Variants in COL3A1 observed in about 807,000 individuals in gnomAD.
COL3A1 encodes collagen alpha-1(III) chain.
In COL3A1, 46 loss-of-function variants were observed where a neutral mutation model predicts 200.9. The ratio of observed to expected loss-of-function variants is 0.23; its 90% CI spans 0.18 to 0.29. The LOEUF (loss-of-function observed/expected upper bound fraction) is 0.29. Ranked by LOEUF, COL3A1 falls within the 10% of genes least tolerant of loss-of-function variation. The pLI is 1.00. For synonymous variants in COL3A1, 650 were observed against 628.0 expected, an observed-to-expected ratio of 1.03 and a Z score of -0.52; for missense variants, 1,367 against 1,917.6, an observed-to-expected ratio of 0.71 and a Z score of 5.36.
At chr2:188,983,238 C>T (rs1359827539) in intron 1 of COL3A1, among the ~76,000 whole-genome samples, 1 of 151,792 alleles carries the variant, frequency 6.6e-6, no homozygotes, top group Non-Finnish European at 1.5e-5. Flanking sequence ...CTTAAAATTG[C>T]AATTAAAAAA....
intron 36 of COL3A1, 23 bp from the exon 37 acceptor site, chr2:189,003,388 T>A: frequency 6.2e-7 from 1 of 1,611,580 alleles, no homozygotes. Flanking sequence ...TATTCTTACA[T>A]AATTTCCTTC....
At position 189,006,943 on chromosome 2, in the gene COL3A1, G is replaced by T. The variant is rs376738516; in HGVS notation, c.3208G>T (p.Ala1070Ser). The change falls in exon 44 of 51, where the codon GCT (alanine) becomes TCT (serine). Residue 1070 changes from alanine to serine, a missense_variant. Physicochemically the swap from Ala to Ser is moderately conservative, Grantham distance 99. This residue lies in a region of COL3A1 where 846 missense variants were observed against 1,147.9 expected (regional missense o/e 0.74). Coordinates refer to ENST00000304636, the MANE Select transcript of COL3A1 (RefSeq NM_000090.4). ...KSGDRGESGP[A>S]GPAGAPGPAG... The stretch of plus-strand genomic sequence containing the variant: ...TTGAATGTTTTCATCTTAGGGCCCT[G>T]CTGGCCCTGCTGGTGCTCCCGGTCC... 7.4e-6 allele frequency: 12 copies of T among 1,612,968 alleles called. No homozygotes were observed. Among genetic ancestry groups the T allele is most frequent in the African/African-American group, 1.3e-5 (1 of 74,818 alleles).
intron 40 of COL3A1, among the ~76,000 whole-genome samples, 192 bp from the exon 41 acceptor site, chr2:189,005,158 A>G (rs1411316082): frequency 2.0e-5 from 3 of 152,236 alleles, no homozygotes; most frequent in Non-Finnish European, 4.4e-5. Context: ...ATCCAGAGTC[A>G]CTGAGCAAGT....
In COL3A1 at chr2:188,985,733, T is replaced by G. The variant is rs2153501486; in HGVS notation, c.402T>G (p.Ser134=). Residue 134 remains serine, a synonymous_variant, in exon 4 of 51, where the codon TCT becomes TCG. Transcript: ENST00000304636. ...GIPGQPGSPG[S]PGPPGICESC... is the part of the protein sequence containing the mutation. ...CAGGACAACCAGGGTCCCCTGGTTC[T>G]CCTGGCCCCCCTGGAATCTGTGAAT... 6.2e-7 allele frequency: 1 copy of G among 1,611,960 alleles called. No homozygotes were observed. Among genetic ancestry groups the G allele is most frequent in the Non-Finnish European group, 8.5e-7 (1 of 1,178,944 alleles).
At chr2:188,977,062 CA>C (rs1198638591) in intron 1 of COL3A1, among the ~76,000 whole-genome samples, 1 of 152,028 alleles carries the variant, frequency 6.6e-6, no homozygotes, top group African/African-American at 2.4e-5. Flanking sequence ...ACAATGGTAA[CA>C]ATATTCAGAG....
chr2:188,997,176 T>C lies in COL3A1; in HGVS notation c.1773T>C (p.Gly591=). Residue 591 remains glycine, a synonymous_variant, in exon 25 of 51, where the codon GGT becomes GGC. Coordinates refer to ENST00000304636, the MANE Select transcript of COL3A1 (RefSeq NM_000090.4). ...PGPKGNDGAP[G]KNGERGGPGG... is the part of the protein sequence containing the mutation. ...CACTTCTTCTTTAGGGTGCTCCTGG[T>C]AAGAATGGAGAACGAGGTGGCCCTG... The C allele has an allele frequency of 6.2e-7, 1 of 1,613,984 alleles. No homozygotes were observed. Among genetic ancestry groups the C allele is most frequent in the Non-Finnish European group, 8.5e-7 (1 of 1,179,970 alleles).
intron 1 of COL3A1, among the ~76,000 whole-genome samples, chr2:188,984,346 T>C (rs1383013029): frequency 6.6e-6 from 1 of 152,026 alleles, no homozygotes; most frequent in Non-Finnish European, 1.5e-5. Flanking sequence ...TCTTCAGAGT[T>C]AGTGACAAAA....
At chr2:188,998,792 AT>A in intron 29 of COL3A1, 74 bp downstream of exon 29, 1 of 1,352,850 alleles carries the variant, frequency 7.4e-7, no homozygotes, top group Non-Finnish European at 1.1e-6. Flanking sequence ...TTTTTAGTAT[AT>A]CAAGCCAAAA....
intron 15 of COL3A1, 34 bp from the exon 16 acceptor site, chr2:188,993,327 A>T: frequency 3.9e-6 from 6 of 1,526,622 alleles, no homozygotes; most frequent in Non-Finnish European, 4.5e-6. Flanking sequence ...TAGAAGTGGT[A>T]AGAGAAACTG....
At chr2:188,997,283 C>A (rs981616722) in intron 25 of COL3A1, 53 bp from the exon 26 acceptor site, 9 of 1,612,606 alleles carry the variant, frequency 5.6e-6, no homozygotes, top group Non-Finnish European at 5.1e-6. Context: ...AACCTTCTGA[C>A]TTCTCTCTGT....
rs142045411 is a variant in COL3A1 at position 188,984,906 on chromosome 2, A to G, written c.226A>G (p.Asn76Asp). The G allele has an allele frequency of 1.4e-4, 232 of 1,613,104 alleles. No homozygotes were observed. The highest frequency in any genetic ancestry group is 1.8e-4 in the Non-Finnish European group (214 of 1,179,438). The part of the protein sequence containing the change: ...ICDDQELDCP[N>D]PEIPFGECCA... Reference sequence around the variant, plus strand: ...TGACGATCAAGAATTAGACTGCCCCAACCCAGAAATTCCATTTGGAGAATG... The same window carrying G: ...TGACGATCAAGAATTAGACTGCCCCGACCCAGAAATTCCATTTGGAGAATG... Residue 76 changes from asparagine (N) to aspartate (D), a missense_variant, in exon 2 of 51, where the codon AAC (asparagine) becomes GAC (aspartate). Around this residue, in one of 5 missense-constraint regions of COL3A1, gnomAD observed 462 missense variants for 681.4 expected, o/e 0.68. Transcript: ENST00000304636.
At chr2:188,992,737 T>C (rs1688214361) in intron 14 of COL3A1, 150 bp from the exon 15 acceptor site, 1 of 715,148 alleles carries the variant, frequency 1.4e-6, no homozygotes, top group Non-Finnish European at 2.4e-6. Flanking sequence ...TTTTACCACA[T>C]TGTTTCTCTA....
At chr2:189,005,166 A>G (rs1199935137) in intron 40 of COL3A1, among the ~76,000 whole-genome samples, 184 bp from the exon 41 acceptor site, 1 of 152,258 alleles carries the variant, frequency 6.6e-6, no homozygotes, top group Non-Finnish European at 1.5e-5. Flanking sequence ...TCACTGAGCA[A>G]GTTAGAAAAT....
chr2:189,001,501 G>C lies in COL3A1; in HGVS notation c.2338-35G>C, dbSNP rs753827862. 6.2e-6 allele frequency: 10 copies of C among 1,613,956 alleles called. No individual in the cohort carries two copies. The South Asian group carries it at 7.7e-5, about 12-fold the overall frequency. ...AAAAAGAAAATGTCTCTCTCTTTTG[G>C]ATGCAAGACAGTGACATGGCTTCTC... is the stretch of plus-strand genomic sequence containing the variant. On this transcript the variant is annotated intron_variant, in intron 33 of 50. Transcript: ENST00000304636.
At chr2:188,974,852 T>C (rs544040187) in intron 1 of COL3A1, among the ~76,000 whole-genome samples, 1 of 152,304 alleles carries the variant, frequency 6.6e-6, no homozygotes, top group African/African-American at 2.4e-5. Context: ...GCTTTAAAAT[T>C]TTTCCCTCCT....
At chr2:188,998,613 G>C in intron 28 of COL3A1, 61 bp from the exon 29 acceptor site, 4 of 1,490,250 alleles carry the variant, frequency 2.7e-6, no homozygotes, top group South Asian at 2.3e-5. Flanking sequence ...TTACATATTT[G>C]CTTATATTTA....
intron 1 of COL3A1, among the ~76,000 whole-genome samples, chr2:188,978,563 G>T (rs1027873353): frequency 6.6e-6 from 1 of 151,826 alleles, no homozygotes; most frequent in African/African-American, 2.4e-5. Context: ...TGATATCACC[G>T]CCTTGAAGTG....
chr2:189,001,617 C>A (rs202102742), intron 34 of COL3A1, 28 bp downstream of exon 34: 1 of 1,492,102 alleles, frequency 6.7e-7, no homozygotes, highest in Non-Finnish European at 8.8e-7. Context: ...TCTCAACATA[C>A]TTTTTAACCC....
rs1317890988 is a variant in COL3A1, at chr2:189,007,099, ATATATATATAT to A, written c.3255+110_3255+120del. The stretch of plus-strand genomic sequence containing the variant: ...GCGTGTTCAGGAAAAAAGAATGAAT[ATATATATATAT>A]ATATATATATATATATATATATATA... On this transcript the variant is annotated intron_variant, in intron 44 of 50. Transcript: ENST00000304636. 100 of 37,234 alleles carry A rather than the reference ATATATATATAT, an allele frequency of 2.7e-3. 1 individual carries two copies. The highest frequency in any genetic ancestry group is 0.019 in the African/African-American group (99 of 5,116). The allele number at this position is 37,234 out of a possible 1,614,324, so 2.3% of individuals were successfully genotyped here. A position where few individuals can be genotyped will look rare whatever the true frequency, so the allele number is the denominator to read the frequency against.
Sources: allele counts gnomAD v4.1 joint callset (sites outside exome capture counted in the v4.1 genomes callset), GRCh38; gene constraint gnomAD v4.1.1; regional missense constraint gnomAD v4.1.1; transcripts MANE v1.5; gene names NCBI Gene and HGNC (gene_info 2026-07-23, HGNC 2026-07-21).